Variants in CSRP1 observed in about 807,000 individuals in gnomAD.
The protein encoded by CSRP1 is cysteine and glycine-rich protein 1.
In CSRP1, 16 loss-of-function variants were observed where a neutral mutation model predicts 25.4. That is an observed-to-expected ratio of 0.63 (90% CI 0.43 to 0.96). CSRP1 has a LOEUF of 0.96. Ranked by LOEUF, CSRP1 falls within the 40% of genes least tolerant of loss-of-function variation. The pLI is 0.00. For synonymous variants in CSRP1, 97 were observed against 95.3 expected, an observed-to-expected ratio of 1.02 and a Z score of -0.10; for missense variants, 212 against 243.6, an observed-to-expected ratio of 0.87 and a Z score of 0.86.
intron 1 of CSRP1, among the ~76,000 whole-genome samples, chr1:201,498,718 G>A (rs1664582873): frequency 6.6e-6 from 1 of 152,220 alleles, no homozygotes; most frequent in Non-Finnish European, 1.5e-5. Context: ...AGGTGGCCAG[G>A]AAATAGCTGA....
chr1:201,501,842 A>C (rs531878883), intron 1 of CSRP1, among the ~76,000 whole-genome samples: 1 of 151,780 alleles, frequency 6.6e-6, no homozygotes, highest in South Asian at 2.1e-4. Context: ...AAAATACAAA[A>C]ATTAGCCGGG....
At chr1:201,504,663 T>C (rs759852583) in intron 1 of CSRP1, among the ~76,000 whole-genome samples, 2 of 152,152 alleles carry the variant, frequency 1.3e-5, no homozygotes, top group Non-Finnish European at 2.9e-5. Flanking sequence ...TTAAAAACTA[T>C]GTTGCTAGGC....
chr1:201,494,085 C>G (rs1160161555), intron 2 of CSRP1, among the ~76,000 whole-genome samples: 2 of 151,988 alleles, frequency 1.3e-5, no homozygotes, highest in African/African-American at 4.8e-5. Context: ...GCATAACACC[C>G]CCGCACCCCG....
chr1:201,493,168 CCTTT>C (rs1419475368), intron 2 of CSRP1, among the ~76,000 whole-genome samples: 1 of 152,194 alleles, frequency 6.6e-6, no homozygotes, highest in Non-Finnish European at 1.5e-5. Context: ...TCTGGCAGCC[CCTTT>C]CAAGACCATG....
rs947576432 is a variant in CSRP1 at position 201,483,807 on chromosome 1, G to A, written c.*906C>T. ...CTGAGGTCTCAGGGCAAAGGGAAAG[G>A]TGTTTGGATGAAGACTGAGGCAGTG... On this transcript the variant is annotated 3_prime_UTR_variant, in exon 6 of 6. Transcript: ENST00000340006. 55 of 519,700 alleles carry A rather than the reference G, an allele frequency of 1.1e-4. No homozygotes were observed. Among genetic ancestry groups the A allele is most frequent in the Non-Finnish European group, 1.0e-4 (30 of 286,424 alleles). 32.2% of individuals were successfully genotyped at this position (519,700 alleles called of 1,614,324 possible). A position where few individuals can be genotyped will look rare whatever the true frequency, so the allele number is the denominator to read the frequency against.
chr1:201,489,178 T>A, intron 3 of CSRP1, 194 bp from the exon 4 acceptor site: 1 of 562,078 alleles, frequency 1.8e-6, no homozygotes, highest in Non-Finnish European at 3.0e-6. Context: ...AGCACAATGT[T>A]ATTTCCATTG....
intron 1 of CSRP1, among the ~76,000 whole-genome samples, chr1:201,501,737 A>T (rs2102415593): frequency 6.6e-6 from 1 of 152,302 alleles, no homozygotes; most frequent in South Asian, 2.1e-4. Context: ...TCACGCCTGT[A>T]ATCCTTGCAC....
chr1:201,486,808 T>G (rs1475003931), intron 4 of CSRP1: 22 of 1,055,856 alleles, frequency 2.1e-5, no homozygotes, highest in Non-Finnish European at 2.5e-5. Context: ...AATGCAAAAT[T>G]CTCTTATCCT....
intron 4 of CSRP1, chr1:201,486,499 T>C (rs1664147655): frequency 2.0e-6 from 2 of 985,426 alleles, no homozygotes; most frequent in Admixed American, 1.2e-4. Context: ...CATTGGCTTC[T>C]CCTCCAGAGA....
At chr1:201,487,683 A>C (rs1264655088) in intron 4 of CSRP1, 1 of 152,178 alleles carries the variant, frequency 6.6e-6, no homozygotes, top group Non-Finnish European at 1.5e-5. Context: ...TAAATGGCCC[A>C]AAGTAGCATT....
At chr1:201,499,287 A>AT (rs1177181398) in intron 1 of CSRP1, among the ~76,000 whole-genome samples, 1 of 152,134 alleles carries the variant, frequency 6.6e-6, no homozygotes, top group Non-Finnish European at 1.5e-5. Flanking sequence ...CAAAACCCCG[A>AT]TTTTATTCAG....
In CSRP1 at chr1:201,484,647, G is replaced by A; in HGVS notation, c.*66C>T. On this transcript the variant is annotated 3_prime_UTR_variant, in exon 6 of 6. Coordinates refer to ENST00000340006, the MANE Select transcript of CSRP1 (RefSeq NM_004078.3). ...AGAAATAATCCTGGAGGTCTCCAAAGCTGCTGGGAATGGAATGGCGATGAA... is the reference window on the plus strand; with the variant it reads ...AGAAATAATCCTGGAGGTCTCCAAAACTGCTGGGAATGGAATGGCGATGAA... The A allele has an allele frequency of 7.0e-7, 1 of 1,429,390 alleles. No homozygotes were observed. The highest frequency in any genetic ancestry group is 9.7e-7 in the Non-Finnish European group (1 of 1,029,778). 88.5% of individuals were successfully genotyped at this position (1,429,390 alleles called of 1,614,324 possible).
intron 5 of CSRP1, among the ~76,000 whole-genome samples, chr1:201,485,023 T>C (rs530355312): frequency 6.6e-6 from 1 of 152,004 alleles, no homozygotes; most frequent in Admixed American, 6.6e-5. Flanking sequence ...AGAAGCATCA[T>C]CTGCTGTAAG....
At chr1:201,497,361 A>G (rs1283880004) in intron 1 of CSRP1, among the ~76,000 whole-genome samples, 1 of 134,286 alleles carries the variant, frequency 7.4e-6, no homozygotes, top group East Asian at 2.0e-4. Context: ...TCTGTCTCAA[A>G]AAAAAAAAAA....
chr1:201,498,585 T>A (rs984773936), intron 1 of CSRP1, among the ~76,000 whole-genome samples: 7 of 152,100 alleles, frequency 4.6e-5, no homozygotes, highest in African/African-American at 7.2e-5. Context: ...GGAGATACAG[T>A]CTCCATTACT....
intron 1 of CSRP1, among the ~76,000 whole-genome samples, chr1:201,505,501 C>T (rs554210658): frequency 1.7e-3 from 101 of 58,138 alleles, no homozygotes; most frequent in African/African-American, 5.5e-3. Context: ...TTTAGTTTCT[C>T]TCCTGCTTCT....
chr1:201,504,362 T>C (rs760236719), intron 1 of CSRP1, among the ~76,000 whole-genome samples: 4 of 152,246 alleles, frequency 2.6e-5, no homozygotes, highest in Non-Finnish European at 5.9e-5. Flanking sequence ...CAAGTGCAGA[T>C]ATCTGGTTAT....
intron 3 of CSRP1, chr1:201,489,836 C>T (rs1664272987): frequency 5.1e-6 from 1 of 197,920 alleles, no homozygotes; most frequent in East Asian, 1.2e-4. Flanking sequence ...TACCACTGCA[C>T]TCCAGCCTGG....
chr1:201,488,139 T>G (rs1664205542), intron 4 of CSRP1: 1 of 152,222 alleles, frequency 6.6e-6, no homozygotes. Context: ...TTCTGACTGC[T>G]AATCTGACAC....
Sources: gnomAD v4.1 joint callset for allele counts (sites outside exome capture counted in the v4.1 genomes callset) on GRCh38, gnomAD v4.1.1 for gene constraint, MANE v1.5 for transcripts, NCBI Gene and HGNC (gene_info 2026-07-23, HGNC 2026-07-21) for gene names.